Variants in SUMF1 observed in about 807,000 individuals in gnomAD.
The protein encoded by SUMF1 is formylglycine-generating enzyme.
In SUMF1, 48 loss-of-function variants were observed where a neutral mutation model predicts 47.6. That is an observed-to-expected ratio of 1.01 (90% CI 0.80 to 1.28). SUMF1 has a LOEUF of 1.28. SUMF1 is among the 50% of genes most tolerant of loss of function. The pLI is 0.00. For missense variants in SUMF1, 571 were observed against 485.4 expected, an observed-to-expected ratio of 1.18 and a Z score of -1.66; for synonymous variants, 230 against 192.1, an observed-to-expected ratio of 1.20 and a Z score of -1.63.
intron 8 of SUMF1, among the ~76,000 whole-genome samples, chr3:4,265,904 G>T (rs1697184020): frequency 6.6e-6 from 1 of 152,004 alleles, no homozygotes; most frequent in African/African-American, 2.4e-5. Context: ...ATTGATTTTT[G>T]TATAAGGTGT....
At chr3:4,147,325 A>G (rs1574926121) in intron 8 of SUMF1, among the ~76,000 whole-genome samples, 1 of 152,164 alleles carries the variant, frequency 6.6e-6, no homozygotes, top group Non-Finnish European at 1.5e-5. Flanking sequence ...GTATATACCC[A>G]AAGGATTATA....
At chr3:4,350,918 T>C (rs547438608) in intron 8 of SUMF1, among the ~76,000 whole-genome samples, 1 of 151,130 alleles carries the variant, frequency 6.6e-6, no homozygotes, top group South Asian at 2.1e-4. Context: ...TTGCCAACTC[T>C]AGAGATCATT....
At chr3:4,197,840 C>G in intron 8 of SUMF1, among the ~76,000 whole-genome samples, 1 of 152,146 alleles carries the variant, frequency 6.6e-6, no homozygotes, top group Non-Finnish European at 1.5e-5. Flanking sequence ...CATTCTGCCA[C>G]TATCGCTGCT....
At chr3:4,343,819 A>G (rs1044743525) in intron 8 of SUMF1, among the ~76,000 whole-genome samples, 2 of 152,216 alleles carry the variant, frequency 1.3e-5, no homozygotes, top group African/African-American at 2.4e-5. Context: ...TCTCACAGAA[A>G]TATCTGCACA....
intron 8 of SUMF1, among the ~76,000 whole-genome samples, chr3:4,252,358 A>G (rs954746801): frequency 2.3e-5 from 3 of 127,830 alleles, no homozygotes; most frequent in African/African-American, 6.1e-5. Flanking sequence ...ATGCGCACAC[A>G]CACACACACA....
intron 8 of SUMF1, chr3:4,303,487 G>T: frequency 6.0e-6 from 9 of 1,498,730 alleles, no homozygotes; most frequent in Non-Finnish European, 5.3e-6. Flanking sequence ...ACTTGCCGGT[G>T]GGCGCGTGGC....
chr3:4,197,593 G>A (rs1043464208), intron 8 of SUMF1, among the ~76,000 whole-genome samples: 9 of 152,072 alleles, frequency 5.9e-5, no homozygotes, highest in African/African-American at 2.2e-4. Context: ...TTTTGATTAA[G>A]GTAATAGAAT....
chr3:4,264,571 T>G (rs1054736679), intron 8 of SUMF1, among the ~76,000 whole-genome samples: 1 of 152,202 alleles, frequency 6.6e-6, no homozygotes, highest in East Asian at 1.9e-4. Flanking sequence ...ATATGACTTG[T>G]AAACGTCTAA....
intron 8 of SUMF1, among the ~76,000 whole-genome samples, chr3:4,207,774 G>C (rs1354201952): frequency 6.6e-6 from 1 of 152,082 alleles, no homozygotes; most frequent in Non-Finnish European, 1.5e-5. Flanking sequence ...CAAAAACATA[G>C]CGACAGACAA....
At chr3:4,235,249 T>C (rs1696382778) in intron 8 of SUMF1, among the ~76,000 whole-genome samples, 1 of 152,114 alleles carries the variant, frequency 6.6e-6, no homozygotes, top group Admixed American at 6.6e-5. Flanking sequence ...GAGTCAAGAT[T>C]AACACCTTAT....
At chr3:4,365,817 G>C (rs544845337) in intron 8 of SUMF1, among the ~76,000 whole-genome samples, 2 of 151,918 alleles carry the variant, frequency 1.3e-5, no homozygotes, top group Admixed American at 6.6e-5. Context: ...AGTCTCGATG[G>C]TCTTTACAAT....
At chr3:4,218,632 A>AT (rs972669073) in intron 8 of SUMF1, among the ~76,000 whole-genome samples, 46 of 152,278 alleles carry the variant, frequency 3.0e-4, no homozygotes, top group Non-Finnish European at 3.8e-4. Flanking sequence ...GCTGCTGTGA[A>AT]TGCGGGCCAG....
In SUMF1 at chr3:4,312,511, A is replaced by G. The variant is rs569943801; in HGVS notation, c.1014+63819T>C. 2.6e-5 allele frequency among the ~76,000 whole-genome samples: 4 copies of G among 152,178 alleles called. No individual in the cohort carries two copies. In the South Asian group the frequency reaches 6.2e-4, roughly 24 times the overall value. ...TATACATTAAGTATTATAATGCCCA[A>G]CTCATCCTTATACATACCTAAAATA... is the stretch of plus-strand genomic sequence containing the variant. On this transcript the variant is annotated intron_variant and NMD_transcript_variant, in intron 8 of 12. Coordinates refer to the SUMF1 transcript ENST00000448413.
chr3:4,455,765 C>A (rs1703140557), intron 1 of SUMF1, among the ~76,000 whole-genome samples: 1 of 152,106 alleles, frequency 6.6e-6, no homozygotes, highest in East Asian at 1.9e-4. Context: ...AAGCCCAGAA[C>A]CAGATGGCTT....
chr3:4,449,366 T>C, intron 2 of SUMF1, 26 bp from the exon 3 acceptor site: 1 of 1,612,466 alleles, frequency 6.2e-7, no homozygotes. Flanking sequence ...GAAATAAAAA[T>C]CCAGAAAAGG....
intron 8 of SUMF1, among the ~76,000 whole-genome samples, chr3:4,230,824 C>T (rs1321768037): frequency 6.6e-6 from 1 of 152,072 alleles, no homozygotes; most frequent in Admixed American, 6.6e-5. Context: ...AAAGACACTC[C>T]TATCACTCCG....
chr3:4,241,345 C>A (rs1244635915), intron 8 of SUMF1, among the ~76,000 whole-genome samples: 1 of 152,108 alleles, frequency 6.6e-6, no homozygotes, highest in African/African-American at 2.4e-5. Flanking sequence ...ACCCTTCATA[C>A]CCAAATAATA....
intron 8 of SUMF1, among the ~76,000 whole-genome samples, chr3:4,110,850 G>A (rs1166246894): frequency 1.2e-4 from 13 of 112,968 alleles, no homozygotes; most frequent in Non-Finnish European, 1.0e-4. Flanking sequence ...TTGTGGGGTG[G>A]GGGGAGGGGG....
intron 8 of SUMF1, among the ~76,000 whole-genome samples, chr3:4,080,142 CCA>C (rs1683661103): frequency 6.6e-6 from 1 of 152,096 alleles, no homozygotes; most frequent in Admixed American, 6.5e-5. Flanking sequence ...TTCTTTACTT[CCA>C]GTTTTGACAG....
Sources: allele counts gnomAD v4.1 joint callset (sites outside exome capture counted in the v4.1 genomes callset), GRCh38; gene constraint gnomAD v4.1.1; transcripts MANE v1.5; gene names NCBI Gene and HGNC (gene_info 2026-07-23, HGNC 2026-07-21).